Variants in COLEC12 observed in about 807,000 individuals in gnomAD.
COLEC12 encodes collectin-12.
COLEC12 carries 33 observed loss-of-function variants against 71.1 expected under a neutral mutation model. The observed-to-expected ratio is 0.46, with a 90% CI of 0.35 to 0.62. COLEC12 has a LOEUF of 0.62. COLEC12 is among the 20% of genes least tolerant of loss of function. The pLI is 0.00. For missense variants in COLEC12, 765 were observed against 916.1 expected, an observed-to-expected ratio of 0.84 and a Z score of 2.13; for synonymous variants, 350 against 353.0, an observed-to-expected ratio of 0.99 and a Z score of 0.10.
intron 2 of COLEC12, among the ~76,000 whole-genome samples, chr18:358,666 G>A (rs1914679625): frequency 6.6e-6 from 1 of 152,168 alleles, no homozygotes; most frequent in Admixed American, 6.5e-5. Flanking sequence ...CTCACCTCCT[G>A]CTATGCAGTC....
chr18:409,452 G>A (rs568409485), intron 2 of COLEC12, among the ~76,000 whole-genome samples: 13 of 152,230 alleles, frequency 8.5e-5, no homozygotes, highest in African/African-American at 3.1e-4. Context: ...GAGAATCCAC[G>A]AGGTGGAGGT....
intron 6 of COLEC12, 164 bp from the exon 7 acceptor site, chr18:333,307 A>G: frequency 8.5e-6 from 5 of 585,938 alleles, no homozygotes; most frequent in Non-Finnish European, 1.5e-5. Context: ...CGCAGCAAGC[A>G]TGACCCAAAG....
chr18:332,446 C>T (rs1017901867), intron 7 of COLEC12, among the ~76,000 whole-genome samples: 1 of 152,194 alleles, frequency 6.6e-6, no homozygotes, highest in Non-Finnish European at 1.5e-5. Flanking sequence ...CTGCATAAAC[C>T]TTGCCGGGCC....
chr18:366,269 G>C (rs759176413), intron 2 of COLEC12, among the ~76,000 whole-genome samples: 5 of 152,152 alleles, frequency 3.3e-5, no homozygotes, highest in Non-Finnish European at 5.9e-5. Context: ...TGTGTCTGGA[G>C]CCCTCTCCGC....
At chr18:378,032 C>T (rs1029020635) in intron 2 of COLEC12, among the ~76,000 whole-genome samples, 5 of 152,160 alleles carry the variant, frequency 3.3e-5, no homozygotes, top group African/African-American at 4.8e-5. Flanking sequence ...TCAGCCCTAA[C>T]CCACTATCCA....
chr18:357,962 T>C (rs540055149), intron 2 of COLEC12, among the ~76,000 whole-genome samples: 2 of 152,306 alleles, frequency 1.3e-5, no homozygotes, highest in East Asian at 1.9e-4. Context: ...CTGAGCTCTG[T>C]CTCCTGTCAG....
intron 2 of COLEC12, among the ~76,000 whole-genome samples, chr18:402,851 G>C (rs1324625184): frequency 6.6e-6 from 1 of 152,014 alleles, no homozygotes; most frequent in Non-Finnish European, 1.5e-5. Flanking sequence ...GCGTCTCTCA[G>C]GAAGAGTCAG....
At chr18:334,703 T>A (rs753488691) in intron 6 of COLEC12, 39 bp downstream of exon 6, 2 of 1,445,042 alleles carry the variant, frequency 1.4e-6, no homozygotes, top group Non-Finnish European at 9.1e-7. Context: ...GCACATGCAC[T>A]GCCCTGTCCC....
chr18:461,683 C>T (rs947388872), intron 2 of COLEC12, among the ~76,000 whole-genome samples: 2 of 106,618 alleles, frequency 1.9e-5, no homozygotes, highest in Admixed American at 1.0e-4. Context: ...ACACTGTACC[C>T]GGCTAAGAGA....
intron 1 of COLEC12, among the ~76,000 whole-genome samples, chr18:483,420 A>G (rs894936214): frequency 1.3e-5 from 2 of 150,684 alleles, no homozygotes; most frequent in African/African-American, 2.4e-5. Context: ...AAAAAAAATC[A>G]CATGTGAGAC....
intron 2 of COLEC12, among the ~76,000 whole-genome samples, chr18:458,920 G>A (rs1916924249): frequency 6.6e-6 from 1 of 152,196 alleles, no homozygotes; most frequent in Non-Finnish European, 1.5e-5. Context: ...TTGCAGCCTT[G>A]ACCTCCCAGG....
At chr18:321,626 C>G (rs770158147) in intron 9 of COLEC12, 36 bp downstream of exon 9, 11 of 1,612,918 alleles carry the variant, frequency 6.8e-6, no homozygotes, top group Non-Finnish European at 9.3e-6. Flanking sequence ...AGGACATAAG[C>G]TGGCAGCTCC....
chr18:364,190 A>G (rs549072409), intron 2 of COLEC12, among the ~76,000 whole-genome samples: 1 of 152,146 alleles, frequency 6.6e-6, no homozygotes, highest in African/African-American at 2.4e-5. Context: ...TTTTTTTAAG[A>G]TTATGCATTA....
chr18:425,999 A>G (rs1306768218), intron 2 of COLEC12, among the ~76,000 whole-genome samples: 1 of 152,198 alleles, frequency 6.6e-6, no homozygotes, highest in Non-Finnish European at 1.5e-5. Context: ...AACCCTGTGC[A>G]GTGAATCTTA....
At chr18:400,256 T>A (rs1377427491) in intron 2 of COLEC12, among the ~76,000 whole-genome samples, 2 of 152,156 alleles carry the variant, frequency 1.3e-5, no homozygotes, top group Non-Finnish European at 2.9e-5. Flanking sequence ...GTCCAACTCA[T>A]GCCAATTGTG....
At chr18:459,738 T>C (rs549413356) in intron 2 of COLEC12, among the ~76,000 whole-genome samples, 157 of 152,312 alleles carry the variant, frequency 1.0e-3, no homozygotes, top group Middle Eastern at 3.4e-3. Flanking sequence ...TTCCTGCCTC[T>C]CCCATGCCTC....
chr18:483,692 G>A (rs963735366), intron 1 of COLEC12, among the ~76,000 whole-genome samples: 1 of 152,172 alleles, frequency 6.6e-6, no homozygotes, highest in Non-Finnish European at 1.5e-5. Flanking sequence ...TCCATGCTCT[G>A]TTCCTGCTTT....
chr18:449,165 CAAT>C (rs1370075808), intron 2 of COLEC12, among the ~76,000 whole-genome samples: 1 of 151,926 alleles, frequency 6.6e-6, no homozygotes, highest in Non-Finnish European at 1.5e-5. Context: ...CTTTTTAAAA[CAAT>C]GATTATATTT....
chr18:481,940 G>A (rs539075794), intron 1 of COLEC12, among the ~76,000 whole-genome samples: 3 of 151,898 alleles, frequency 2.0e-5, no homozygotes, highest in East Asian at 1.9e-4. Flanking sequence ...TTTAGGTTCC[G>A]GGGGTACATG....
Sources: gnomAD v4.1 joint callset for allele counts (sites outside exome capture counted in the v4.1 genomes callset) on GRCh38, gnomAD v4.1.1 for gene constraint, MANE v1.5 for transcripts, NCBI Gene and HGNC (gene_info 2026-07-23, HGNC 2026-07-21) for gene names.